The following FHOD3 variants were observed in gnomAD, a reference collection of about 807,000 sequenced individuals.
FHOD3 encodes FH1/FH2 domain-containing protein 3.
Under a neutral mutation model 173.0 loss-of-function variants are expected in FHOD3, and 90 were observed. The observed-to-expected ratio is 0.52, with a 90% confidence interval of 0.44 to 0.62. The LOEUF (loss-of-function observed/expected upper bound fraction) is 0.62. FHOD3 is among the 20% of genes least tolerant of loss of function. FHOD3 has a pLI of 0.00. For synonymous variants in FHOD3, 828 were observed against 823.0 expected, an observed-to-expected ratio of 1.01 and a Z score of -0.10; for missense variants, 1,945 against 2,034.7, an observed-to-expected ratio of 0.96 and a Z score of 0.85.
chr18:36,375,514 A>G (rs921097747), intron 3 of FHOD3, among the ~76,000 whole-genome samples: 2 of 152,146 alleles, frequency 1.3e-5, no homozygotes, highest in African/African-American at 2.4e-5. Flanking sequence ...CTCACCCTAC[A>G]TTCTCTTCTC....
At chr18:36,587,652 TTGG>T (rs2059081136) in intron 6 of FHOD3, among the ~76,000 whole-genome samples, 1 of 152,008 alleles carries the variant, frequency 6.6e-6, no homozygotes, top group Admixed American at 6.6e-5. Context: ...TTAGCTGGGC[TTGG>T]TGGTGCATGC....
Position 36,625,681 on chromosome 18 carries a change from C to T in FHOD3, c.1128C>T (p.Ala376=). Residue 376 remains alanine, a synonymous_variant, in exon 10 of 29, where the codon GCC becomes GCT. Transcript: ENST00000590592. The part of the protein sequence containing the change: ...SVQSIKSTLS[A]PTSPCSQSAP... ...AGAGCATCAAGAGCACCCTGTCGGCCCCCACCAGTCCCTGCTCCCAGTCAG... is the reference window on the plus strand; with the variant it reads ...AGAGCATCAAGAGCACCCTGTCGGCTCCCACCAGTCCCTGCTCCCAGTCAG... The T allele has an allele frequency of 6.2e-7, 1 of 1,611,464 alleles. No homozygotes were observed.
intron 1 of FHOD3, among the ~76,000 whole-genome samples, chr18:36,316,225 A>G (rs940172541): frequency 1.3e-5 from 2 of 152,136 alleles, no homozygotes; most frequent in African/African-American, 4.8e-5. Flanking sequence ...AAACAGTTTA[A>G]ATTTCATTAT....
intron 3 of FHOD3, among the ~76,000 whole-genome samples, chr18:36,489,426 G>A (rs1290739362): frequency 1.3e-5 from 2 of 152,178 alleles, no homozygotes; most frequent in Non-Finnish European, 2.9e-5. Context: ...ACCAGGATGG[G>A]TGCAGTGGCT....
At chr18:36,562,310 C>T (rs540359945) in intron 5 of FHOD3, among the ~76,000 whole-genome samples, 2 of 152,156 alleles carry the variant, frequency 1.3e-5, no homozygotes, top group Non-Finnish European at 2.9e-5. Context: ...AGCCACTGCA[C>T]CCGGCCATGA....
chr18:36,672,471 G>T (rs903207540), intron 14 of FHOD3, among the ~76,000 whole-genome samples: 13 of 152,138 alleles, frequency 8.5e-5, no homozygotes, highest in Admixed American at 1.3e-4. Flanking sequence ...TGACTTGATG[G>T]GGCAGCTTGG....
chr18:36,658,041 T>C, intron 13 of FHOD3, 34 bp from the exon 14 acceptor site: 1 of 1,468,946 alleles, frequency 6.8e-7, no homozygotes, highest in East Asian at 2.4e-5. Flanking sequence ...TTCTCTATCC[T>C]TTTCCCCCCA....
intron 3 of FHOD3, among the ~76,000 whole-genome samples, chr18:36,493,213 C>CTT (rs60189688): frequency 0.1 from 14,037 of 137,952 alleles, 743 homozygotes; most frequent in African/African-American, 0.11. Flanking sequence ...TTTTCTTTTT[C>CTT]TTTTTTTTTT....
At chr18:36,494,217 T>G (rs1417162005) in intron 3 of FHOD3, among the ~76,000 whole-genome samples, 2 of 152,174 alleles carry the variant, frequency 1.3e-5, no homozygotes, top group Non-Finnish European at 2.9e-5. Context: ...CTGATCTTTG[T>G]GGGCCACAAA....
At chr18:36,303,275 C>CT (rs201185049) in intron 1 of FHOD3, among the ~76,000 whole-genome samples, 168 of 151,738 alleles carry the variant, frequency 1.1e-3, no homozygotes, top group African/African-American at 1.4e-3. Context: ...TTAAGGTCAT[C>CT]TTTTTTTTTC....
chr18:36,510,070 C>T (rs142578921), intron 4 of FHOD3, among the ~76,000 whole-genome samples: 186 of 152,312 alleles, frequency 1.2e-3, no homozygotes, highest in African/African-American at 4.1e-3. Flanking sequence ...CATCATCTCT[C>T]ATGTTTTCTA....
chr18:36,584,349 G>A (rs1405716049), intron 6 of FHOD3, among the ~76,000 whole-genome samples: 1 of 152,154 alleles, frequency 6.6e-6, no homozygotes, highest in Non-Finnish European at 1.5e-5. Flanking sequence ...ATTAGGTTGG[G>A]AGTGACACTC....
chr18:36,694,229 G>A (rs1204145647), intron 17 of FHOD3, among the ~76,000 whole-genome samples: 2 of 152,248 alleles, frequency 1.3e-5, no homozygotes, highest in South Asian at 2.1e-4. Context: ...TTAGCCAATT[G>A]AAGACAGCAG....
chr18:36,498,093 C>T (rs1285274428), intron 3 of FHOD3, among the ~76,000 whole-genome samples: 1 of 151,938 alleles, frequency 6.6e-6, no homozygotes, highest in Admixed American at 6.6e-5. Flanking sequence ...CTTAATAAAC[C>T]ATGGGTCAAA....
At chr18:36,305,774 G>A (rs1262404634) in intron 1 of FHOD3, among the ~76,000 whole-genome samples, 1 of 152,078 alleles carries the variant, frequency 6.6e-6, no homozygotes, top group Admixed American at 6.6e-5. Flanking sequence ...CGAGGAGGAG[G>A]GTCCCTCTGG....
At chr18:36,464,849 C>T (rs2052811963) in intron 3 of FHOD3, among the ~76,000 whole-genome samples, 1 of 152,134 alleles carries the variant, frequency 6.6e-6, no homozygotes, top group African/African-American at 2.4e-5. Context: ...TCTCCCCCCT[C>T]TTTCTTCCTT....
intron 1 of FHOD3, among the ~76,000 whole-genome samples, chr18:36,314,094 C>T (rs1184651810): frequency 6.6e-6 from 1 of 152,196 alleles, no homozygotes; most frequent in African/African-American, 2.4e-5. Flanking sequence ...AGAATGTAAG[C>T]ACTTTTTAAA....
intron 3 of FHOD3, among the ~76,000 whole-genome samples, chr18:36,445,596 T>A (rs1427718870): frequency 1.3e-5 from 2 of 152,232 alleles, no homozygotes; most frequent in Admixed American, 1.3e-4. Flanking sequence ...TTCAATTTAT[T>A]TGAAGTAGGA....
rs538370598 is a variant in FHOD3, at chr18:36,632,301, C to T, written c.1196+6552C>T. 3.6e-3 allele frequency among the ~76,000 whole-genome samples: 549 copies of T among 152,256 alleles called. 4 individuals are homozygous for T. Among genetic ancestry groups the T allele is most frequent in the African/African-American group, 0.012 (515 of 41,556 alleles). ...CATTGTAATTTGCATTTTTTTATTA[C>T]TACTGAGGCTGTACAACTTTAATTG... On this transcript the variant is annotated intron_variant, in intron 10 of 28. Coordinates refer to ENST00000590592, the MANE Select transcript of FHOD3 (RefSeq NM_001281740.3).
Sources: gnomAD v4.1 joint callset for allele counts (sites outside exome capture counted in the v4.1 genomes callset) on GRCh38, gnomAD v4.1.1 for gene constraint, MANE v1.5 for transcripts, NCBI Gene and HGNC (gene_info 2026-07-23, HGNC 2026-07-21) for gene names.